The following PM20D2 variants were observed in gnomAD, a reference collection of about 807,000 sequenced individuals.
PM20D2 encodes the protein xaa-Arg dipeptidase.
Under a neutral mutation model 42.9 loss-of-function variants are expected in PM20D2, and 33 were observed. The ratio of observed to expected loss-of-function variants is 0.77; its 90% CI spans 0.58 to 1.03. PM20D2 has a LOEUF of 1.03. Ranked by LOEUF, PM20D2 falls within the 50% of genes least tolerant of loss-of-function variation. The pLI, the probability that PM20D2 is intolerant of heterozygous loss-of-function variation, is 0.00. For missense variants in PM20D2, 548 were observed against 557.0 expected, an observed-to-expected ratio of 0.98 and a Z score of 0.16; for synonymous variants, 250 against 228.2, an observed-to-expected ratio of 1.10 and a Z score of -0.86.
chr6:89,093,978 T>C, the PM20D2 span, among the ~76,000 whole-genome samples: 1 of 136,996 alleles, frequency 7.3e-6, no homozygotes, highest in Admixed American at 8.3e-5. Context: ...GGGAGTGCAG[T>C]TGAGTGATCT....
At position 89,163,088 on chromosome 6, in the gene PM20D2, CAT is replaced by C. The variant is rs1041117495; in HGVS notation, c.*826_*827del. On this transcript the variant is annotated 3_prime_UTR_variant, in exon 7 of 7. Coordinates refer to ENST00000275072, the MANE Select transcript of PM20D2 (RefSeq NM_001010853.3). ...GGCCTGCCAGTGTCTTTTTAATACA[CAT>C]GTGTGTTGGTATTTTTAAATTGTTA... The C allele has an allele frequency of 1.2e-4, 19 of 152,284 alleles. No individual in the cohort carries two copies. The highest frequency in any genetic ancestry group is 3.1e-4 in the African/African-American group (13 of 41,554). 9.4% of individuals were successfully genotyped at this position (152,284 alleles called of 1,614,324 possible).
the PM20D2 span, among the ~76,000 whole-genome samples, chr6:89,120,596 G>T: frequency 1.3e-5 from 2 of 152,228 alleles, no homozygotes; most frequent in East Asian, 3.9e-4. Context: ...CAGGCGTGGT[G>T]ACTCATGCCT....
chr6:89,136,412 T>G, the PM20D2 span, among the ~76,000 whole-genome samples: 1 of 151,336 alleles, frequency 6.6e-6, no homozygotes, highest in Non-Finnish European at 1.5e-5. Flanking sequence ...GCGCAGTGGC[T>G]CACGCCTGTA....
At chr6:89,099,623 C>CAATTG in the PM20D2 span, among the ~76,000 whole-genome samples, 1 of 151,362 alleles carries the variant, frequency 6.6e-6, no homozygotes, top group Non-Finnish European at 1.5e-5. Flanking sequence ...GCAACCTCCG[C>CAATTG]CTCCCAGGTT....
At chr6:89,098,268 C>G in the PM20D2 span, 1 of 239,412 alleles carries the variant, frequency 4.2e-6, no homozygotes, top group Non-Finnish European at 8.1e-6. Context: ...AGTACTAATA[C>G]TATGCAAGTA....
chr6:89,140,537 A>G, the PM20D2 span, among the ~76,000 whole-genome samples: 1 of 152,178 alleles, frequency 6.6e-6, no homozygotes, highest in Admixed American at 6.5e-5. Context: ...ACCGGGCCCA[A>G]GCTCTAGATG....
chr6:89,129,397 T>G, the PM20D2 span, among the ~76,000 whole-genome samples: 22 of 152,122 alleles, frequency 1.4e-4, no homozygotes, highest in Admixed American at 1.4e-3. Context: ...CGCAGGAGGA[T>G]TGCTTCAGCT....
chr6:89,140,187 A>G, the PM20D2 span, among the ~76,000 whole-genome samples: 1 of 152,126 alleles, frequency 6.6e-6, no homozygotes, highest in Non-Finnish European at 1.5e-5. Context: ...AGCTCAAGCA[A>G]TCCTCTTGCC....
the PM20D2 span, among the ~76,000 whole-genome samples, chr6:89,135,576 T>C: frequency 6.6e-6 from 1 of 151,270 alleles, no homozygotes; most frequent in Admixed American, 6.6e-5. Context: ...TCTTTATTGA[T>C]AAATTTAAAT....
At chr6:89,132,741 GGGA>G in the PM20D2 span, among the ~76,000 whole-genome samples, 10 of 150,834 alleles carry the variant, frequency 6.6e-5, no homozygotes, top group Non-Finnish European at 1.0e-4. Context: ...GGGAGGCTGA[GGGA>G]GGAGAATACC....
chr6:89,138,541 C>CTA, the PM20D2 span, among the ~76,000 whole-genome samples: 2 of 152,034 alleles, frequency 1.3e-5, no homozygotes, highest in African/African-American at 4.8e-5. Flanking sequence ...AATTGGCCAG[C>CTA]TATCACATTT....
chr6:89,113,598 C>T, the PM20D2 span, among the ~76,000 whole-genome samples: 8 of 152,226 alleles, frequency 5.3e-5, no homozygotes, highest in East Asian at 3.9e-4. Flanking sequence ...TGTGAGCCAC[C>T]GTGCCAGGCC....
chr6:89,110,262 G>A, the PM20D2 span, among the ~76,000 whole-genome samples: 1 of 152,200 alleles, frequency 6.6e-6, no homozygotes, highest in African/African-American at 2.4e-5. Flanking sequence ...ATGAAAAAAT[G>A]AAGCAATGAA....
At chr6:89,136,050 C>A in the PM20D2 span, among the ~76,000 whole-genome samples, 1 of 151,184 alleles carries the variant, frequency 6.6e-6, no homozygotes, top group African/African-American at 2.5e-5. Flanking sequence ...GATGCCATTT[C>A]TGCACCTAGA....
In PM20D2 at chr6:89,158,501, G is replaced by A. The variant is rs528828062; in HGVS notation, c.1048+41G>A. 5.7e-6 allele frequency: 9 copies of A among 1,583,332 alleles called. No individual in the cohort carries two copies. In the African/African-American group the frequency reaches 9.6e-5, roughly 17 times the overall value. The stretch of plus-strand genomic sequence containing the variant: ...TTTATATATTGAGCTATTTGAGGAA[G>A]AGAAATACCATCTTTGGTTAAATTG... On this transcript the variant is annotated intron_variant, in intron 5 of 6. Transcript: ENST00000275072.
At chr6:89,125,783 CA>C in the PM20D2 span, among the ~76,000 whole-genome samples, 11,988 of 143,306 alleles carry the variant, frequency 0.084, 1,113 homozygotes, top group African/African-American at 0.23. Flanking sequence ...AACTCTGTCT[CA>C]AAAAAAAAAA....
chr6:89,160,273 G>C (rs1020951878), intron 5 of PM20D2, among the ~76,000 whole-genome samples: 2 of 152,102 alleles, frequency 1.3e-5, no homozygotes, highest in Non-Finnish European at 2.9e-5. Context: ...GCCTCAGTCT[G>C]CATTTACCAC....
At chr6:89,149,744 A>G (rs1770763238) in intron 2 of PM20D2, among the ~76,000 whole-genome samples, 1 of 152,232 alleles carries the variant, frequency 6.6e-6, no homozygotes, top group South Asian at 2.1e-4. Flanking sequence ...TTGCAACTGA[A>G]TAGATTTGCG....
chr6:89,117,430 G>A, the PM20D2 span, among the ~76,000 whole-genome samples: 2 of 152,180 alleles, frequency 1.3e-5, no homozygotes, highest in Non-Finnish European at 2.9e-5. Context: ...CGATTTTATC[G>A]GGGCACGGCG....
Sources: gnomAD v4.1 joint callset for allele counts (sites outside exome capture counted in the v4.1 genomes callset) on GRCh38, gnomAD v4.1.1 for gene constraint, MANE v1.5 for transcripts, NCBI Gene and HGNC (gene_info 2026-07-23, HGNC 2026-07-21) for gene names.